The following TMED3 variants were observed in gnomAD, a reference collection of about 807,000 sequenced individuals.
The protein encoded by TMED3 is transmembrane emp24 domain-containing protein 3.
In TMED3, 9 loss-of-function variants were observed where a neutral mutation model predicts 15.0. The ratio of observed to expected loss-of-function variants is 0.60; its 90% CI spans 0.36 to 1.04. The LOEUF (loss-of-function observed/expected upper bound fraction) is 1.04. TMED3 is among the 50% of genes least tolerant of loss of function. The pLI, the probability that TMED3 is intolerant of heterozygous loss-of-function variation, is 0.01. For missense variants in TMED3, 267 were observed against 278.9 expected, an observed-to-expected ratio of 0.96 and a Z score of 0.30; for synonymous variants, 117 against 121.4, an observed-to-expected ratio of 0.96 and a Z score of 0.24.
chr15:79,311,641 C>T (rs368444137), intron 1 of TMED3, among the ~76,000 whole-genome samples: 1 of 152,106 alleles, frequency 6.6e-6, no homozygotes, highest in Non-Finnish European at 1.5e-5. Context: ...TAGTCAGCGC[C>T]GCAGGTGCGA....
At chr15:79,352,929 A>AAT (rs1239632034) in intron 2 of TMED3, among the ~76,000 whole-genome samples, 1 of 100,844 alleles carries the variant, frequency 9.9e-6, no homozygotes, top group Non-Finnish European at 1.9e-5. Flanking sequence ...AAATATATAT[A>AAT]ATATATATAC....
chr15:79,366,979 T>A (rs1893248870), intron 2 of TMED3, among the ~76,000 whole-genome samples: 2 of 152,178 alleles, frequency 1.3e-5, no homozygotes, highest in Non-Finnish European at 2.9e-5. Flanking sequence ...CAGAGAATAA[T>A]GATGGCTAGG....
In TMED3 at chr15:79,357,559, A is replaced by G. The variant is rs79785870; in HGVS notation, c.417+43554A>G. Among the ~76,000 whole-genome samples the G allele has an allele frequency of 3.9e-3, 582 of 148,756 alleles. 24 individuals are homozygous for G. The East Asian group carries it at 0.097, about 25-fold the overall frequency. On this transcript the variant is annotated intron_variant, in intron 2 of 2. Transcript: ENST00000424155. ...TTTTAAAGCAGAACACGTCTTCTTGAACTAGTGTTATACCTCCTTCTCCTT... is the reference window on the plus strand; with the variant it reads ...TTTTAAAGCAGAACACGTCTTCTTGGACTAGTGTTATACCTCCTTCTCCTT...
chr15:79,319,115 C>T (rs1394229875), intron 2 of TMED3, among the ~76,000 whole-genome samples: 1 of 152,198 alleles, frequency 6.6e-6, no homozygotes, highest in Non-Finnish European at 1.5e-5. Flanking sequence ...GCTTGTTCTT[C>T]ACTTGCTATT....
downstream of TMED3, among the ~76,000 whole-genome samples, chr15:79,325,876 C>T (rs1203798604): frequency 1.3e-5 from 2 of 152,290 alleles, no homozygotes; most frequent in East Asian, 1.9e-4. Flanking sequence ...CTTATCCCAC[C>T]TTCTTCCACT....
intron 2 of TMED3, among the ~76,000 whole-genome samples, chr15:79,387,780 T>C (rs914344024): frequency 9.2e-5 from 14 of 152,306 alleles, no homozygotes; most frequent in African/African-American, 2.9e-4. Flanking sequence ...AATAAAGTTT[T>C]ATATTTCTGT....
At chr15:79,319,902 G>A (rs1397624513) in intron 2 of TMED3, among the ~76,000 whole-genome samples, 1 of 152,200 alleles carries the variant, frequency 6.6e-6, no homozygotes, top group African/African-American at 2.4e-5. Context: ...CAGGTACACA[G>A]GATGGAACAT....
intron 2 of TMED3, among the ~76,000 whole-genome samples, chr15:79,405,431 G>A (rs1233713529): frequency 6.6e-6 from 1 of 152,180 alleles, no homozygotes; most frequent in African/African-American, 2.4e-5. Context: ...TCTCACTCGT[G>A]TCCTGCTCAA....
At chr15:79,359,112 G>A (rs1422448086) in intron 2 of TMED3, among the ~76,000 whole-genome samples, 4 of 152,178 alleles carry the variant, frequency 2.6e-5, no homozygotes, top group African/African-American at 4.8e-5. Context: ...GGAAGACAAG[G>A]GAAGTGAGGA....
intron 2 of TMED3, among the ~76,000 whole-genome samples, chr15:79,380,404 ATATATATATAGT>A (rs71150906): frequency 6.9e-6 from 1 of 145,300 alleles, no homozygotes; most frequent in Non-Finnish European, 1.5e-5. Context: ...AGAGTCTCAA[ATATATATATAGT>A]TATATATAGT....
At chr15:79,318,795 C>T (rs886798224) in intron 2 of TMED3, among the ~76,000 whole-genome samples, 7 of 152,162 alleles carry the variant, frequency 4.6e-5, no homozygotes, top group African/African-American at 1.2e-4. Flanking sequence ...ACCACAAATG[C>T]GACCATTGTC....
At chr15:79,367,079 C>G (rs1324420569) in intron 2 of TMED3, among the ~76,000 whole-genome samples, 1 of 152,150 alleles carries the variant, frequency 6.6e-6, no homozygotes, top group Non-Finnish European at 1.5e-5. Context: ...TCTCCTGACC[C>G]CAGCTGCTGG....
chr15:79,362,446 C>T (rs1311920184), intron 2 of TMED3, among the ~76,000 whole-genome samples: 1 of 151,920 alleles, frequency 6.6e-6, no homozygotes, highest in African/African-American at 2.4e-5. Context: ...CATCATGCCA[C>T]TGCACTCCAG....
intron 2 of TMED3, among the ~76,000 whole-genome samples, chr15:79,384,922 C>T (rs949566299): frequency 6.6e-6 from 1 of 152,086 alleles, no homozygotes; most frequent in East Asian, 1.9e-4. Context: ...GTGGCATTCA[C>T]GGAGAGGAAT....
chr15:79,315,275 T>C (rs1436893978), intron 2 of TMED3, among the ~76,000 whole-genome samples: 1 of 152,196 alleles, frequency 6.6e-6, no homozygotes. Flanking sequence ...AATTAAAAAT[T>C]CACTTCCTCA....
chr15:79,396,529 T>C (rs1346576805), intron 2 of TMED3, among the ~76,000 whole-genome samples: 2 of 152,212 alleles, frequency 1.3e-5, no homozygotes, highest in African/African-American at 2.4e-5. Context: ...CAACGCATGG[T>C]AATCTCAGGG....
chr15:79,405,951 A>G (rs1273292251), intron 2 of TMED3, among the ~76,000 whole-genome samples: 1 of 152,240 alleles, frequency 6.6e-6, no homozygotes. Flanking sequence ...TTGCCAGCTC[A>G]ATAGCCACAG....
rs2058773807 is a variant in TMED3, at chr15:79,322,834, G to A, written c.*620G>A. On this transcript the variant is annotated 3_prime_UTR_variant, in exon 3 of 3. Coordinates refer to ENST00000299705, the MANE Select transcript of TMED3 (RefSeq NM_007364.4). Reference sequence around the variant, plus strand: ...ACTGTGGCTAATAAAAACTAAGTGTGAGCGTCCTGGAGACTTGTGCCTTTA... The same window carrying A: ...ACTGTGGCTAATAAAAACTAAGTGTAAGCGTCCTGGAGACTTGTGCCTTTA... 1 of 985,446 alleles carries A rather than the reference G, an allele frequency of 1.0e-6. No homozygotes were observed. The highest frequency in any genetic ancestry group is 1.2e-6 in the Non-Finnish European group (1 of 830,088). 61.0% of individuals were successfully genotyped at this position (985,446 alleles called of 1,614,324 possible).
chr15:79,319,665 C>A (rs1215698019), intron 2 of TMED3, among the ~76,000 whole-genome samples: 1 of 152,066 alleles, frequency 6.6e-6, no homozygotes, highest in Admixed American at 6.5e-5. Flanking sequence ...CCCCGAATGC[C>A]AGGCTGCGCT....
Sources: allele counts gnomAD v4.1 joint callset (sites outside exome capture counted in the v4.1 genomes callset), GRCh38; gene constraint gnomAD v4.1.1; transcripts MANE v1.5; gene names NCBI Gene and HGNC (gene_info 2026-07-23, HGNC 2026-07-21).